Variants in ATP2B2 observed in about 807,000 individuals in gnomAD.
ATP2B2 encodes the protein plasma membrane calcium-transporting ATPase 2.
Under a neutral mutation model 120.0 loss-of-function variants are expected in ATP2B2, and 15 were observed. The observed-to-expected ratio is 0.12, with a 90% CI of 0.08 to 0.19. ATP2B2 has a LOEUF of 0.19. ATP2B2 is among the 10% of genes least tolerant of loss of function. The probability of loss-of-function intolerance (pLI) is 1.00; values close to 1 mark genes in which losing one functional copy is unlikely to be tolerated. For missense variants in ATP2B2, 1,045 were observed against 1,719.8 expected, an observed-to-expected ratio of 0.61 and a Z score of 6.94; for synonymous variants, 694 against 700.3, an observed-to-expected ratio of 0.99 and a Z score of 0.14.
chr3:10,485,021 C>T (rs372421893), intron 1 of ATP2B2, among the ~76,000 whole-genome samples: 11 of 152,130 alleles, frequency 7.2e-5, no homozygotes, highest in Non-Finnish European at 1.5e-4. Flanking sequence ...ACGCAGACCC[C>T]CTCTGTGAAA....
chr3:10,664,583 C>A (rs1031292071), intron 1 of ATP2B2, among the ~76,000 whole-genome samples: 1 of 152,170 alleles, frequency 6.6e-6, no homozygotes, highest in Non-Finnish European at 1.5e-5. Context: ...TGGCATGGCC[C>A]CACAAGGTTT....
intron 2 of ATP2B2, among the ~76,000 whole-genome samples, chr3:10,445,417 A>G (rs1336530467): frequency 6.6e-6 from 1 of 151,354 alleles, no homozygotes; most frequent in Admixed American, 6.6e-5. Context: ...GTAAGAAGAT[A>G]AAGGCGTTAA....
intron 2 of ATP2B2, among the ~76,000 whole-genome samples, chr3:10,604,611 G>A (rs1171262947): frequency 6.6e-6 from 1 of 152,178 alleles, no homozygotes; most frequent in African/African-American, 2.4e-5. Context: ...CTTCTATTCT[G>A]TTTGGTTTTC....
At chr3:10,677,131 TTAA>T (rs1327206986) in intron 1 of ATP2B2, among the ~76,000 whole-genome samples, 1 of 152,196 alleles carries the variant, frequency 6.6e-6, no homozygotes, top group Non-Finnish European at 1.5e-5. Flanking sequence ...AGCAGCTCTA[TTAA>T]TAATTGCCAA....
At position 10,386,991 on chromosome 3, in the gene ATP2B2, G is replaced by A. The variant is rs147905621; in HGVS notation, c.908-479C>T. 6.7e-3 allele frequency among the ~76,000 whole-genome samples: 1,015 copies of A among 152,236 alleles called. 13 individuals are homozygous for A. The highest frequency in any genetic ancestry group is 0.023 in the African/African-American group (960 of 41,526). ...CTGGCCCATAGAAGAGTCTGGGGGC[G>A]TCTTCCCCTCACTCAAGCCTCAGTG... is the stretch of plus-strand genomic sequence containing the variant. On this transcript the variant is annotated intron_variant, in intron 6 of 22. Coordinates refer to ENST00000360273, the MANE Select transcript of ATP2B2 (RefSeq NM_001001331.4).
At chr3:10,688,417 C>A (rs1375044679) in intron 1 of ATP2B2, among the ~76,000 whole-genome samples, 1 of 152,162 alleles carries the variant, frequency 6.6e-6, no homozygotes, top group Non-Finnish European at 1.5e-5. Flanking sequence ...AGAGTGAAGA[C>A]CTAGAATGGG....
At chr3:10,683,985 T>C (rs1160288001) in intron 1 of ATP2B2, among the ~76,000 whole-genome samples, 3 of 151,798 alleles carry the variant, frequency 2.0e-5, no homozygotes, top group Non-Finnish European at 4.4e-5. Context: ...CTGTGCTCTT[T>C]CCAGAAACCT....
At chr3:10,627,924 C>G (rs1559494417) in intron 1 of ATP2B2, among the ~76,000 whole-genome samples, 1 of 152,110 alleles carries the variant, frequency 6.6e-6, no homozygotes, top group Non-Finnish European at 1.5e-5. Context: ...ATGGGGCCCA[C>G]TTTGTGTGAT....
At chr3:10,441,451 G>T (rs1443391720) in intron 2 of ATP2B2, among the ~76,000 whole-genome samples, 1 of 152,182 alleles carries the variant, frequency 6.6e-6, no homozygotes, top group Non-Finnish European at 1.5e-5. Context: ...TGTTGGCCAG[G>T]CTGGTCTCGA....
intron 1 of ATP2B2, among the ~76,000 whole-genome samples, chr3:10,479,444 T>G (rs975682979): frequency 2.0e-5 from 3 of 151,896 alleles, no homozygotes; most frequent in African/African-American, 7.3e-5. Flanking sequence ...TAATCCCAAC[T>G]TCTCTGGGAG....
intron 1 of ATP2B2, among the ~76,000 whole-genome samples, chr3:10,651,799 G>A (rs1257645884): frequency 6.6e-6 from 1 of 152,102 alleles, no homozygotes; most frequent in East Asian, 1.9e-4. Context: ...ATGGATGAAG[G>A]TGGTAGTAGA....
chr3:10,632,678 C>G (rs768475379), intron 1 of ATP2B2, among the ~76,000 whole-genome samples: 2 of 152,230 alleles, frequency 1.3e-5, no homozygotes, highest in Non-Finnish European at 2.9e-5. Flanking sequence ...CTTTCCCCTA[C>G]CCTGGGTCTT....
chr3:10,334,378 C>T (rs958545520), intron 22 of ATP2B2, among the ~76,000 whole-genome samples: 6 of 152,164 alleles, frequency 3.9e-5, no homozygotes, highest in African/African-American at 1.2e-4. Flanking sequence ...ACTTGGTTAC[C>T]GCACCTCAGG....
chr3:10,534,853 G>C (rs1156455513), intron 2 of ATP2B2, among the ~76,000 whole-genome samples: 1 of 150,034 alleles, frequency 6.7e-6, no homozygotes, highest in Non-Finnish European at 1.5e-5. Context: ...CTCCCTATCA[G>C]CTTCCTTCTC....
rs1476355125 is a variant in ATP2B2, at chr3:10,358,855, T to C, written c.1972A>G (p.Lys658Glu). The change falls in exon 14 of 23, where the codon AAG becomes GAG. Residue 658 changes from lysine (K) to glutamate (E), a missense_variant. Physicochemically the swap from Lys to Glu is moderately conservative, Grantham distance 56. Around this residue, in one of 11 missense-constraint regions of ATP2B2, gnomAD observed 343 missense variants for 536.8 expected, o/e 0.64. Coordinates refer to ENST00000360273, the MANE Select transcript of ATP2B2 (RefSeq NM_001001331.4). Reference protein sequence around the residue: ...FRPRDRDEMVKKVIEPMACDG... With the variant: ...FRPRDRDEMVEKVIEPMACDG... ...CAAGCCATGGGCTCAATCACCTTCT[T>C]TACCATCTCGTCCCGGTCGCGGGGC... The C allele has an allele frequency of 6.2e-7, 1 of 1,614,050 alleles. No homozygotes were observed. The highest frequency in any genetic ancestry group is 2.2e-5 in the East Asian group (1 of 44,896).
At chr3:10,430,017 A>G (rs2063267610) in intron 2 of ATP2B2, among the ~76,000 whole-genome samples, 1 of 152,208 alleles carries the variant, frequency 6.6e-6, no homozygotes, top group African/African-American at 2.4e-5. Flanking sequence ...GAAAAGTTGG[A>G]AGCTAGCAGA....
intron 1 of ATP2B2, among the ~76,000 whole-genome samples, chr3:10,658,762 C>T (rs1356272484): frequency 1.3e-5 from 2 of 151,898 alleles, no homozygotes; most frequent in Admixed American, 6.6e-5. Flanking sequence ...AGATACTCCT[C>T]GAGAAGAGCA....
upstream of ATP2B2, among the ~76,000 whole-genome samples, chr3:10,509,552 C>T (rs757585723): frequency 7.9e-5 from 12 of 152,194 alleles, no homozygotes; most frequent in Non-Finnish European, 1.8e-4. Flanking sequence ...GTTACAGAGC[C>T]AGTGAGGACC....
intron 2 of ATP2B2, among the ~76,000 whole-genome samples, chr3:10,565,491 T>C (rs1247877578): frequency 6.6e-6 from 1 of 152,214 alleles, no homozygotes; most frequent in Non-Finnish European, 1.5e-5. Context: ...CGAGTCCTCA[T>C]TGTCTGTTGC....
Sources: allele counts gnomAD v4.1 joint callset (sites outside exome capture counted in the v4.1 genomes callset), GRCh38; gene constraint gnomAD v4.1.1; regional missense constraint gnomAD v4.1.1; transcripts MANE v1.5; gene names NCBI Gene and HGNC (gene_info 2026-07-23, HGNC 2026-07-21).